The following EMILIN2 variants were observed in gnomAD, a reference collection of about 807,000 sequenced individuals.
The protein encoded by EMILIN2 is elastin microfibril interfacer 2, also known as EMILIN-2.
EMILIN2 carries 71 observed loss-of-function variants against 87.1 expected under a neutral mutation model. The observed-to-expected ratio is 0.82, with a 90% CI of 0.67 to 0.99. The LOEUF (loss-of-function observed/expected upper bound fraction) is 0.99, where lower values mean the gene tolerates loss of function less well. EMILIN2 is among the 50% of genes least tolerant of loss of function. The probability of loss-of-function intolerance (pLI) is 0.00; values close to 1 mark genes in which losing one functional copy is unlikely to be tolerated. For synonymous variants in EMILIN2, 581 were observed against 563.4 expected, an observed-to-expected ratio of 1.03 and a Z score of -0.44; for missense variants, 1,407 against 1,371.8, an observed-to-expected ratio of 1.03 and a Z score of -0.40.
chr18:2,897,883 T>A lies in EMILIN2; in HGVS notation c.2359+5397T>A, dbSNP rs1285815310. On this transcript the variant is annotated intron_variant, in intron 4 of 7. Transcript: ENST00000254528. ...TCTCTTTAAAAAAAAAAAAAAAGCC[T>A]AGAGATCTCCCTTTTCAGCATTCAC... Among the ~76,000 whole-genome samples, 5 of 149,758 alleles carry A rather than the reference T, an allele frequency of 3.3e-5. No individual in the cohort carries two copies. The East Asian group carries it at 7.9e-4, about 24-fold the overall frequency.
At chr18:2,855,604 GC>G (rs1420059659) in intron 2 of EMILIN2, among the ~76,000 whole-genome samples, 2 of 152,202 alleles carry the variant, frequency 1.3e-5, no homozygotes, top group Admixed American at 6.5e-5. Flanking sequence ...GGCAGGTGGG[GC>G]CAGGCTGCAG....
intron 4 of EMILIN2, among the ~76,000 whole-genome samples, chr18:2,899,828 T>A (rs1014416490): frequency 6.6e-6 from 1 of 152,162 alleles, no homozygotes; most frequent in African/African-American, 2.4e-5. Flanking sequence ...CTAAAAAAAA[T>A]TTAAAAATTC....
rs1172332840 is a variant in EMILIN2 at position 2,906,834 on chromosome 18, C to T, written c.2411C>T (p.Pro804Leu). ...GAGGCCCCGAAGGAGCCGCTGCAGC[C>T]CGAGCCCGCCCCGCCGAGGCCCAGC... ...PAEAPKEPLQ[P>L]EPAPPRPSGP... The change falls in exon 5 of 8, where the codon CCC (proline) becomes CTC (leucine). Residue 804 changes from proline (P) to leucine (L), a missense_variant. Pro to Leu is a moderately conservative substitution (Grantham distance 98). Coordinates refer to ENST00000254528, the MANE Select transcript of EMILIN2 (RefSeq NM_032048.3). 1 of 1,339,476 alleles carries T rather than the reference C, an allele frequency of 7.5e-7. No homozygotes were observed. The highest frequency in any genetic ancestry group is 1.9e-5 in the South Asian group (1 of 52,098). 83.0% of individuals were successfully genotyped at this position (1,339,476 alleles called of 1,614,324 possible). A position where few individuals can be genotyped will look rare whatever the true frequency, so the allele number is the denominator to read the frequency against.
intron 6 of EMILIN2, 74 bp downstream of exon 6, chr18:2,909,049 G>A (rs376606852): frequency 6.5e-7 from 1 of 1,547,974 alleles, no homozygotes; most frequent in South Asian, 1.1e-5. Context: ...TGCATCTCCT[G>A]CCTCCTCCCT....
At chr18:2,883,513 C>A (rs148089557) in intron 2 of EMILIN2, among the ~76,000 whole-genome samples, 4 of 152,204 alleles carry the variant, frequency 2.6e-5, no homozygotes, top group Non-Finnish European at 5.9e-5. Context: ...GGCAGGAAAT[C>A]ACAATTGGGC....
rs530584245 is a variant in EMILIN2, at chr18:2,901,758, A to G, written c.2360-5025A>G. Among the ~76,000 whole-genome samples, 100 of 152,360 alleles carry G rather than the reference A, an allele frequency of 6.6e-4. 1 individual carries two copies. The highest frequency in any genetic ancestry group is 2.0e-3 in the African/African-American group (82 of 41,582). On this transcript the variant is annotated intron_variant, in intron 4 of 7. Transcript: ENST00000254528. ...GCTGCTGGAGAGGTCTCTTTCCAGA[A>G]TGAGCAGAGTGCTATCCAGCCTTTG...
rs2076584582 is a variant in EMILIN2 at position 2,847,973 on chromosome 18, CGGGGCGGTGGGGGTGGGGT to C, written c.257+47_257+65del. On this transcript the variant is annotated intron_variant, in intron 2 of 7. Transcript: ENST00000254528. This position sits in a 1 kb window ranked among gnomAD's most constrained non-coding sequence, Gnocchi z 4.5. ...GGGAGCGGGCGGGGCGCGCCCGGGC[CGGGGCGGTGGGGGTGGGGT>C]GGGGTTGCTGCGCTGGGCTCCAGTC... 1.4e-6 allele frequency: 1 copy of C among 693,802 alleles called. No individual in the cohort carries two copies. 43.0% of individuals were successfully genotyped at this position (693,802 alleles called of 1,614,324 possible).
At chr18:2,909,491 G>A (rs939428448) in intron 6 of EMILIN2, among the ~76,000 whole-genome samples, 200 bp from the exon 7 acceptor site, 2 of 152,244 alleles carry the variant, frequency 1.3e-5, no homozygotes, top group Non-Finnish European at 1.5e-5. Context: ...CGGTTTCTCA[G>A]ATTCCTCAGC....
chr18:2,847,683 G>T lies in EMILIN2; in HGVS notation c.135-126G>T, dbSNP rs117760114. ...CCGGCGTCTGCTCGGTGAAGCTCCC[G>T]CCTCCGCAGAGGGCGACGGGCCCCC... On this transcript the variant is annotated intron_variant, in intron 1 of 7. Coordinates refer to ENST00000254528, the MANE Select transcript of EMILIN2 (RefSeq NM_032048.3). This position sits in a 1 kb window ranked among gnomAD's most constrained non-coding sequence, Gnocchi z 4.5. 0.027 allele frequency: 37,590 copies of T among 1,414,876 alleles called. 606 individuals carry two copies. Among genetic ancestry groups the T allele is most frequent in the Non-Finnish European group, 0.032 (33,945 of 1,075,858 alleles). The allele number at this position is 1,414,876 out of a possible 1,614,324, so 87.6% of individuals were successfully genotyped here.
At position 2,891,783 on chromosome 18, in the gene EMILIN2, T is replaced by C. The variant is rs756656236; in HGVS notation, c.1656T>C (p.Ile552=). Residue 552 remains isoleucine, a synonymous_variant, in exon 4 of 8, where the codon ATT becomes ATC. Transcript: ENST00000254528. This position sits in a 1 kb window ranked among gnomAD's most constrained non-coding sequence, Gnocchi z 4.6. ...ACAAAGTTCAAGTTGTTGAAGACAT[T>C]TGCCTGCTGAACATCCAGGGAAAGC... ...LKDKVQVVED[I]CLLNIQGKPH... 3.7e-6 allele frequency: 6 copies of C among 1,614,170 alleles called. No homozygotes were observed. The highest frequency in any genetic ancestry group is 5.1e-6 in the Non-Finnish European group (6 of 1,180,020).
At chr18:2,866,260 C>T (rs1181979050) in intron 2 of EMILIN2, among the ~76,000 whole-genome samples, 4 of 152,222 alleles carry the variant, frequency 2.6e-5, no homozygotes, top group Admixed American at 6.5e-5. Context: ...GTTGGAAATG[C>T]AGAAATCACC....
rs1419606464 is a variant in EMILIN2, at chr18:2,891,053, C to T, written c.926C>T (p.Thr309Ile). The T allele has an allele frequency of 1.9e-6, 3 of 1,614,092 alleles. No homozygotes were observed. Among genetic ancestry groups the T allele is most frequent in the African/African-American group, 2.7e-5 (2 of 74,942 alleles). Reference protein sequence around the residue: ...EAAQGPTVTMTTNELYQAYVD... With the variant: ...EAAQGPTVTMITNELYQAYVD... ...GCTCAGGGCCCGACGGTGACCATGACAACCAACGAACTCTACCAAGCCTAT... is the reference window on the plus strand; with the variant it reads ...GCTCAGGGCCCGACGGTGACCATGATAACCAACGAACTCTACCAAGCCTAT... The change falls in exon 4 of 8, where the codon ACA becomes ATA. Residue 309 changes from threonine (T) to isoleucine (I), a missense_variant. By Grantham distance (89) the Thr-to-Ile change is moderately conservative. Transcript: ENST00000254528. The surrounding 1 kb of genome is among the most constrained non-coding windows in gnomAD (Gnocchi z 4.6).
intron 7 of EMILIN2, among the ~76,000 whole-genome samples, chr18:2,912,085 C>G (rs2076943852): frequency 7.6e-6 from 1 of 132,394 alleles, no homozygotes; most frequent in Non-Finnish European, 1.5e-5. Flanking sequence ...GTCACCCAGG[C>G]TGGAGTGCAG....
chr18:2,910,130 C>T (rs944146014), intron 7 of EMILIN2, among the ~76,000 whole-genome samples: 7 of 151,606 alleles, frequency 4.6e-5, no homozygotes, highest in African/African-American at 9.7e-5. Flanking sequence ...AGGGCTGTGC[C>T]GGCACAGCCC....
rs1409880826 is a variant in EMILIN2 at position 2,891,651 on chromosome 18, G to A, written c.1524G>A (p.Met508Ile). 6 of 1,613,950 alleles carry A rather than the reference G, an allele frequency of 3.7e-6. No individual in the cohort carries two copies. In the South Asian group the frequency reaches 4.4e-5, roughly 12 times the overall value. The part of the protein sequence containing the change: ...EDRLGSVLLQ[M>I]TNNTGAELSP... ...GTCTGGGGAGCGTTCTCCTACAGAT[G>A]ACCAATAACACTGGTGCAGAGCTCA... The change falls in exon 4 of 8, where the codon ATG (methionine) becomes ATA (isoleucine). Residue 508 changes from methionine (M) to isoleucine (I), a missense_variant. Coordinates refer to ENST00000254528, the MANE Select transcript of EMILIN2 (RefSeq NM_032048.3). This position sits in a 1 kb window ranked among gnomAD's most constrained non-coding sequence, Gnocchi z 4.6.
rs954474462 is a variant in EMILIN2, at chr18:2,880,448, C to T, written c.258-4516C>T. On this transcript the variant is annotated intron_variant, in intron 2 of 7. Transcript: ENST00000254528. This position sits in a 1 kb window ranked among gnomAD's most constrained non-coding sequence, Gnocchi z 4.1. The stretch of plus-strand genomic sequence containing the variant: ...TGGAATGGGGGAGAGTTCACAGGGG[C>T]GAGGCGGCAGGGCGACAGGCCCAGG... Among the ~76,000 whole-genome samples the T allele has an allele frequency of 1.3e-5, 2 of 152,132 alleles. No individual in the cohort carries two copies. Among genetic ancestry groups the T allele is most frequent in the Admixed American group, 6.5e-5 (1 of 15,276 alleles).
chr18:2,852,898 C>T (rs58662226), intron 2 of EMILIN2, among the ~76,000 whole-genome samples: 4,176 of 152,326 alleles, frequency 0.027, 204 homozygotes, highest in African/African-American at 0.095. Flanking sequence ...CTCTCTGTGT[C>T]TCTCTCTAGT....
intron 2 of EMILIN2, among the ~76,000 whole-genome samples, chr18:2,855,007 G>A (rs1390115090): frequency 6.6e-6 from 1 of 152,214 alleles, no homozygotes; most frequent in African/African-American, 2.4e-5. Context: ...CTGTTAGGAG[G>A]CTTGTTCCTT....
intron 2 of EMILIN2, among the ~76,000 whole-genome samples, chr18:2,873,586 A>G (rs1023786171): frequency 2.4e-4 from 37 of 151,832 alleles, no homozygotes; most frequent in Admixed American, 2.0e-3. Flanking sequence ...GGGCGCCTGT[A>G]GTCCCAGCTA....
Sources: gnomAD v4.1 joint callset for allele counts (sites outside exome capture counted in the v4.1 genomes callset) on GRCh38, gnomAD v4.1.1 for gene constraint, Gnocchi (gnomAD v3.1) non-coding constraint, MANE v1.5 for transcripts, NCBI Gene and HGNC (gene_info 2026-07-23, HGNC 2026-07-21) for gene names.